ABCC1: variants seen among roughly 807,000 people sequenced by gnomAD.
ABCC1 encodes the protein ATP binding cassette subfamily C member 1 (ABCC1 blood group), also known as multidrug resistance-associated protein 1.
A neutral mutation model predicts 172.9 loss-of-function variants in ABCC1; 83 were observed. The ratio of observed to expected loss-of-function variants is 0.48; its 90% CI spans 0.40 to 0.58. The LOEUF (loss-of-function observed/expected upper bound fraction) is 0.58, where lower values mean the gene tolerates loss of function less well. Ranked by LOEUF, ABCC1 falls within the 20% of genes least tolerant of loss-of-function variation. The probability of loss-of-function intolerance (pLI) is 0.00; values close to 1 mark genes in which losing one functional copy is unlikely to be tolerated. For missense variants in ABCC1, 1,817 were observed against 2,002.7 expected (o/e 0.91, Z 1.77); for synonymous variants, 937 against 825.2 (o/e 1.14, Z -2.32).
intron 19 of ABCC1, among the ~76,000 whole-genome samples, chr16:16,100,767 C>A (rs1415342449): frequency 6.6e-6 from 1 of 152,194 alleles, no homozygotes; most frequent in Non-Finnish European, 1.5e-5. Context: ...CGTGCAGTCT[C>A]GTTTCACCCT....
chr16:16,069,251 G>A (rs1174689995), intron 13 of ABCC1, among the ~76,000 whole-genome samples: 1 of 151,872 alleles, frequency 6.6e-6, no homozygotes, highest in Non-Finnish European at 1.5e-5. Flanking sequence ...GTGTGCCCCT[G>A]TACTCCCAGC....
At position 16,105,878 on chromosome 16, in the gene ABCC1, C is replaced by CTTT. The variant is rs574151579; in HGVS notation, c.2736-846_2736-844dup. Among the ~76,000 whole-genome samples, 260 of 126,424 alleles carry CTTT rather than the reference C, an allele frequency of 2.1e-3. 6 individuals are homozygous for CTTT. Among genetic ancestry groups the CTTT allele is most frequent in the Middle Eastern group, 4.0e-3 (1 of 248 alleles). 82.9% of individuals were successfully genotyped at this position (126,424 alleles called of 152,430 possible). A position where few individuals can be genotyped will look rare whatever the true frequency, so the allele number is the denominator to read the frequency against. ...CATGACCACTGATGTGCGAAAAGTG[C>CTTT]TTTTTTTTTTTTTTTTGAGACAGGG... On this transcript the variant is annotated intron_variant, in intron 20 of 30. Transcript: ENST00000399410.
chr16:15,973,896 GA>G (rs921826098), intron 1 of ABCC1, among the ~76,000 whole-genome samples: 1 of 152,054 alleles, frequency 6.6e-6, no homozygotes, highest in Non-Finnish European at 1.5e-5. Flanking sequence ...GAGGTGGGAT[GA>G]TCACCTGGGC....
At chr16:15,985,520 C>T (rs565949703) in intron 1 of ABCC1, among the ~76,000 whole-genome samples, 7 of 152,270 alleles carry the variant, frequency 4.6e-5, no homozygotes, top group African/African-American at 1.4e-4. Flanking sequence ...TCTCGGCTCA[C>T]TGCATCTTCC....
chr16:15,979,972 G>A (rs537202413), intron 1 of ABCC1, among the ~76,000 whole-genome samples: 9 of 152,214 alleles, frequency 5.9e-5, no homozygotes, highest in Admixed American at 4.6e-4. Flanking sequence ...AGTGAGTGGG[G>A]AGTGACATTT....
At chr16:16,027,307 C>G (rs2048408849) in intron 5 of ABCC1, among the ~76,000 whole-genome samples, 2 of 152,114 alleles carry the variant, frequency 1.3e-5, no homozygotes, top group African/African-American at 2.4e-5. Context: ...ACCCCTAACT[C>G]CGCTGTGTAG....
At chr16:15,953,861 G>A (rs962667154) in intron 1 of ABCC1, among the ~76,000 whole-genome samples, 4 of 152,124 alleles carry the variant, frequency 2.6e-5, no homozygotes, top group African/African-American at 9.7e-5. Context: ...GGGCCTTGGA[G>A]TCAGTCTGAT....
At position 15,999,769 on chromosome 16, in the gene ABCC1, T is replaced by TTCTCTCTCTCTCTCTCTCTCTCTCTC. The variant is rs1228532784; in HGVS notation, c.49-8032_49-8007dup. ...GTGTGAGCCTCTGTGCCCGGCCTCTTTCTCTCTCTCTCTCTCTCTCTCTCT... is the reference window on the plus strand; with the variant it reads ...GTGTGAGCCTCTGTGCCCGGCCTCTTTCTCTCTCTCTCTCTCTCTCTCTCTCTCTCTCTCTCTCTCTCTCTCTCTCT... On this transcript the variant is annotated intron_variant, in intron 1 of 30. Coordinates refer to ENST00000399410, the MANE Select transcript of ABCC1 (RefSeq NM_004996.4). Among the ~76,000 whole-genome samples, 15 of 25,364 alleles carry TTCTCTCTCTCTCTCTCTCTCTCTCTC rather than the reference T, an allele frequency of 5.9e-4. 6 individuals carry two copies. The highest frequency in any genetic ancestry group is 1.4e-3 in the Admixed American group (2 of 1,428). The allele number at this position is 25,364 out of a possible 152,430, so 16.6% of individuals were successfully genotyped here.
intron 5 of ABCC1, among the ~76,000 whole-genome samples, chr16:16,020,330 G>T (rs1379986896): frequency 6.6e-6 from 1 of 152,150 alleles, no homozygotes; most frequent in African/African-American, 2.4e-5. Flanking sequence ...ACTTTGATTG[G>T]CTGACACTCT....
intron 14 of ABCC1, among the ~76,000 whole-genome samples, chr16:16,073,935 C>T (rs1315002429): frequency 2.6e-5 from 4 of 152,192 alleles, no homozygotes; most frequent in East Asian, 1.9e-4. Context: ...ACCTCGCAGG[C>T]GCTCAGGTAT....
rs553853463 is a variant in ABCC1 at position 16,036,367 on chromosome 16, C to T, written c.678-105C>T. 2.0e-3 allele frequency: 2,165 copies of T among 1,097,636 alleles called. 1 individual carries two copies. The highest frequency in any genetic ancestry group is 2.6e-3 in the Non-Finnish European group (1,995 of 768,912). 68.0% of individuals were successfully genotyped at this position (1,097,636 alleles called of 1,614,324 possible). The stretch of plus-strand genomic sequence containing the variant: ...TCATTTGCAGCGGGCAGCTGTGCTG[C>T]AGAGGGGAGCAGCATCAGCAGGCGT... On this transcript the variant is annotated intron_variant, in intron 6 of 30. Transcript: ENST00000399410.
At chr16:16,138,588 C>G (rs1219126018) in intron 30 of ABCC1, 30 bp downstream of exon 30, 1 of 1,509,074 alleles carries the variant, frequency 6.6e-7, no homozygotes, top group African/African-American at 1.4e-5. Flanking sequence ...GGCCTCTAGG[C>G]TTTGGGAGTT....
chr16:16,037,675 G>A (rs2048809525), intron 7 of ABCC1, among the ~76,000 whole-genome samples: 1 of 152,152 alleles, frequency 6.6e-6, no homozygotes, highest in Non-Finnish European at 1.5e-5. Context: ...GGCCAGTGTG[G>A]TGCATTGGAT....
chr16:15,994,534 C>T (rs975046081), intron 1 of ABCC1, among the ~76,000 whole-genome samples: 1 of 152,154 alleles, frequency 6.6e-6, no homozygotes, highest in Non-Finnish European at 1.5e-5. Flanking sequence ...TAAATACATG[C>T]TTTCTCTTTG....
intron 12 of ABCC1, among the ~76,000 whole-genome samples, chr16:16,065,152 G>C (rs1052422899): frequency 6.6e-6 from 1 of 152,180 alleles, no homozygotes; most frequent in Admixed American, 6.5e-5. Context: ...GACAGATGAC[G>C]CCAAATGAGG....
At chr16:15,952,915 C>T (rs188276508) in intron 1 of ABCC1, among the ~76,000 whole-genome samples, 147 of 150,842 alleles carry the variant, frequency 9.7e-4, no homozygotes, top group African/African-American at 3.4e-3. Flanking sequence ...GGTGTGGCAC[C>T]TGTGGTCCCG....
At chr16:16,107,325 T>A (rs2052170278) in intron 21 of ABCC1, among the ~76,000 whole-genome samples, 1 of 152,206 alleles carries the variant, frequency 6.6e-6, no homozygotes, top group Non-Finnish European at 1.5e-5. Context: ...AGTCTCACTC[T>A]GTCACCAAGG....
intron 7 of ABCC1, among the ~76,000 whole-genome samples, chr16:16,041,216 G>A (rs1347702643): frequency 6.6e-6 from 1 of 151,912 alleles, no homozygotes; most frequent in Non-Finnish European, 1.5e-5. Context: ...ACAGGCGTGA[G>A]CCACTGTGCC....
chr16:16,121,540 A>C (rs1050252256), intron 23 of ABCC1, among the ~76,000 whole-genome samples: 1 of 152,232 alleles, frequency 6.6e-6, no homozygotes, highest in Non-Finnish European at 1.5e-5. Context: ...GAGGCAGTAC[A>C]GGGTAGAGGT....
Sources: allele counts gnomAD v4.1 joint callset (sites outside exome capture counted in the v4.1 genomes callset), GRCh38; gene constraint gnomAD v4.1.1; transcripts MANE v1.5; gene names NCBI Gene and HGNC (gene_info 2026-07-23, HGNC 2026-07-21).